Variants in ZBTB46 observed in about 807,000 individuals in gnomAD.
The protein encoded by ZBTB46 is zinc finger and BTB domain-containing protein 46.
In ZBTB46, 8 loss-of-function variants were observed where a neutral mutation model predicts 44.1. The ratio of observed to expected loss-of-function variants is 0.18; its 90% CI spans 0.11 to 0.33. The LOEUF (loss-of-function observed/expected upper bound fraction) is 0.33, where lower values mean the gene tolerates loss of function less well. ZBTB46 is among the 10% of genes least tolerant of loss of function. The pLI is 1.00. For missense variants in ZBTB46, 651 were observed against 847.7 expected (o/e 0.77, Z 2.88); for synonymous variants, 409 against 382.3 (o/e 1.07, Z -0.81).
chr20:63,813,690 G>A (rs1388242756), intron 1 of ZBTB46, among the ~76,000 whole-genome samples: 4 of 152,076 alleles, frequency 2.6e-5, no homozygotes, highest in Non-Finnish European at 5.9e-5. Flanking sequence ...CAGCAAATAA[G>A]TAGCATGAAA....
At chr20:63,792,480 G>A (rs925906387) in intron 1 of ZBTB46, among the ~76,000 whole-genome samples, 5 of 152,046 alleles carry the variant, frequency 3.3e-5, no homozygotes, top group African/African-American at 1.2e-4. Context: ...GACTGGTTAC[G>A]ACATACACAC....
At chr20:63,768,205 C>A in intron 3 of ZBTB46, 5 of 806,224 alleles carry the variant, frequency 6.2e-6, no homozygotes, top group Non-Finnish European at 7.5e-6. Context: ...GCCACCAAAA[C>A]TATCCTGTGA....
At chr20:63,776,111 T>G in intron 2 of ZBTB46, 149 bp from the exon 3 acceptor site, 1 of 1,042,624 alleles carries the variant, frequency 9.6e-7, no homozygotes, top group Non-Finnish European at 1.3e-6. Context: ...GCCGGGCACC[T>G]GCCCCAGCAA....
chr20:63,753,008 G>T, intron 3 of ZBTB46, 147 bp from the exon 4 acceptor site: 2 of 814,260 alleles, frequency 2.5e-6, no homozygotes, highest in Non-Finnish European at 3.7e-6. Flanking sequence ...CACTGCGACA[G>T]GCCAGGCTCC....
intron 1 of ZBTB46, among the ~76,000 whole-genome samples, chr20:63,824,389 C>T (rs1352611190): frequency 6.6e-6 from 1 of 152,130 alleles, no homozygotes; most frequent in Non-Finnish European, 1.5e-5. Flanking sequence ...ATTTAAATGG[C>T]ATGGAAAGAG....
At chr20:63,824,405 C>T (rs187030660) in intron 1 of ZBTB46, among the ~76,000 whole-genome samples, 91 of 152,190 alleles carry the variant, frequency 6.0e-4, no homozygotes, top group Admixed American at 9.8e-4. Context: ...AAGAGAACAC[C>T]CATTTTATTC....
chr20:63,784,043 C>T (rs377696974), intron 2 of ZBTB46, among the ~76,000 whole-genome samples: 17 of 152,282 alleles, frequency 1.1e-4, no homozygotes, highest in African/African-American at 3.1e-4. Context: ...TCCCTGCCCT[C>T]GTGTGATCAG....
Position 63,752,208 on chromosome 20 carries a change from G to A in ZBTB46, c.1398+478C>T, listed in dbSNP as rs2092174558. On this transcript the variant is annotated intron_variant, in intron 4 of 4. Coordinates refer to ENST00000245663, the MANE Select transcript of ZBTB46 (RefSeq NM_001369741.1). This position sits in a 1 kb window ranked among gnomAD's most constrained non-coding sequence, Gnocchi z 5.6. ...AAATCTGCCTCCCTGTTCCCAGGCTGCCTTTTTCTATTATTTCCTCCCCAA... is the reference window on the plus strand; with the variant it reads ...AAATCTGCCTCCCTGTTCCCAGGCTACCTTTTTCTATTATTTCCTCCCCAA... 6.6e-6 allele frequency among the ~76,000 whole-genome samples: 1 copy of A among 152,100 alleles called. No homozygotes were observed. Among genetic ancestry groups the A allele is most frequent in the African/African-American group, 2.4e-5 (1 of 41,416 alleles).
chr20:63,746,910 G>A lies in ZBTB46; in HGVS notation c.*20C>T, dbSNP rs184894388. On this transcript the variant is annotated 3_prime_UTR_variant, in exon 5 of 5. Coordinates refer to ENST00000245663, the MANE Select transcript of ZBTB46 (RefSeq NM_001369741.1). ...GGGTGGACGGAGCGAGGCAGCCACCGACCCTGCCGGCGGGCGGGCCTAGGA... is the reference window on the plus strand; with the variant it reads ...GGGTGGACGGAGCGAGGCAGCCACCAACCCTGCCGGCGGGCGGGCCTAGGA... The A allele has an allele frequency of 3.9e-4, 588 of 1,506,564 alleles. 1 individual carries two copies. In the East Asian group the frequency reaches 4.3e-3, roughly 11 times the overall value. 93.3% of individuals were successfully genotyped at this position (1,506,564 alleles called of 1,614,324 possible). A position where few individuals can be genotyped will look rare whatever the true frequency, so the allele number is the denominator to read the frequency against.
At chr20:63,805,755 T>C (rs2092677184) in intron 1 of ZBTB46, among the ~76,000 whole-genome samples, 1 of 144,900 alleles carries the variant, frequency 6.9e-6, no homozygotes, top group Admixed American at 6.8e-5. Context: ...TCAGCTTTTT[T>C]TTTTTTTTCC....
intron 3 of ZBTB46, among the ~76,000 whole-genome samples, chr20:63,759,987 C>G (rs556516053): frequency 1.3e-5 from 2 of 152,150 alleles, no homozygotes; most frequent in Admixed American, 1.3e-4. Context: ...TGGAATGAGC[C>G]TGCGGACCAT....
rs190039502 is a variant in ZBTB46 at position 63,764,981 on chromosome 20, C to T, written c.1222+10697G>A. 5.3e-5 allele frequency among the ~76,000 whole-genome samples: 8 copies of T among 151,830 alleles called. No homozygotes were observed. The East Asian group carries it at 1.5e-3, about 29-fold the overall frequency. On this transcript the variant is annotated intron_variant, in intron 3 of 4. Coordinates refer to ENST00000245663, the MANE Select transcript of ZBTB46 (RefSeq NM_001369741.1). ...TCACCCAGGCTGGAGTGCAATGGCGCGGTCTCGGCTCACTGCAACCTCCAC... is the reference window on the plus strand; with the variant it reads ...TCACCCAGGCTGGAGTGCAATGGCGTGGTCTCGGCTCACTGCAACCTCCAC...
chr20:63,818,888 AAG>A (rs1406247592), intron 1 of ZBTB46, among the ~76,000 whole-genome samples: 11 of 147,264 alleles, frequency 7.5e-5, no homozygotes, highest in South Asian at 4.3e-4. Context: ...AAAAAAAAAA[AAG>A]AAGGCCAGGC....
chr20:63,814,341 C>G (rs2092735804), intron 1 of ZBTB46, among the ~76,000 whole-genome samples: 1 of 152,048 alleles, frequency 6.6e-6, no homozygotes, highest in Non-Finnish European at 1.5e-5. Flanking sequence ...TTCCCGCAGC[C>G]AGGCGACGTG....
intron 1 of ZBTB46, among the ~76,000 whole-genome samples, chr20:63,825,666 G>A (rs529459326): frequency 1.3e-5 from 2 of 152,238 alleles, no homozygotes; most frequent in East Asian, 3.9e-4. Flanking sequence ...TGTGTGTCTG[G>A]ATGTGCCCCT....
chr20:63,770,069 G>C (rs747760889), intron 3 of ZBTB46, among the ~76,000 whole-genome samples: 1 of 152,222 alleles, frequency 6.6e-6, no homozygotes, highest in Non-Finnish European at 1.5e-5. Context: ...CTTTAAAAGA[G>C]TGAGGGGGGT....
chr20:63,795,056 C>T (rs1321347373), intron 1 of ZBTB46, among the ~76,000 whole-genome samples: 1 of 152,220 alleles, frequency 6.6e-6, no homozygotes, highest in Non-Finnish European at 1.5e-5. Flanking sequence ...GCACCCGCGG[C>T]TGCACTGATG....
intron 3 of ZBTB46, among the ~76,000 whole-genome samples, chr20:63,758,441 G>A (rs2092244289): frequency 6.6e-6 from 1 of 151,906 alleles, no homozygotes; most frequent in East Asian, 1.9e-4. Context: ...GACTGACCCT[G>A]GTGCTTCCCC....
Position 63,790,159 on chromosome 20 carries a change from T to A in ZBTB46, c.599A>T (p.Asp200Val), listed in dbSNP as rs567638687. ...HDGGSSYGKEDQEPKADGPDD... is the reference protein window; with the variant it reads ...HDGGSSYGKEVQEPKADGPDD... ...AGGGCCATCGGCCTTGGGCTCCTGA[T>A]CCTCTTTCCCGTAGCTGCTCCCTCC... The change falls in exon 2 of 5, where the codon GAT becomes GTT. Residue 200 changes from aspartate (D) to valine (V), a missense_variant. Physicochemically the swap from Asp to Val is radical, Grantham distance 152. Transcript: ENST00000245663. The A allele has an allele frequency of 6.2e-7, 1 of 1,613,896 alleles. No homozygotes were observed. Among genetic ancestry groups the A allele is most frequent in the Admixed American group, 1.7e-5 (1 of 60,018 alleles).
Sources: gnomAD v4.1 joint callset for allele counts (sites outside exome capture counted in the v4.1 genomes callset) on GRCh38, gnomAD v4.1.1 for gene constraint, Gnocchi (gnomAD v3.1) non-coding constraint, MANE v1.5 for transcripts, NCBI Gene and HGNC (gene_info 2026-07-23, HGNC 2026-07-21) for gene names.